The following CLASP1 variants were observed in gnomAD, a reference collection of about 807,000 sequenced individuals.
The protein encoded by CLASP1 is cytoplasmic linker associated protein 1.
Under a neutral mutation model 192.3 loss-of-function variants are expected in CLASP1, and 38 were observed. That is an observed-to-expected ratio of 0.20 (90% CI 0.15 to 0.26). CLASP1 has a LOEUF of 0.26. Among genes scored for constraint, CLASP1 ranks in the 10% least tolerant of loss-of-function variants. CLASP1 has a pLI of 1.00. For missense variants in CLASP1, 1,433 were observed against 1,932.5 expected, an observed-to-expected ratio of 0.74 and a Z score of 4.85; for synonymous variants, 691 against 712.8, an observed-to-expected ratio of 0.97 and a Z score of 0.49.
chr2:121,601,638 G>A (rs896210540), intron 2 of CLASP1, among the ~76,000 whole-genome samples: 18 of 152,082 alleles, frequency 1.2e-4, no homozygotes, highest in Non-Finnish European at 2.1e-4. Context: ...CAACATAGTA[G>A]TGGAAGTCCT....
At chr2:121,408,622 A>G (rs1050839858) in intron 24 of CLASP1, among the ~76,000 whole-genome samples, 19 of 152,234 alleles carry the variant, frequency 1.2e-4, no homozygotes, top group African/African-American at 4.6e-4. Flanking sequence ...AATTATTGAT[A>G]GCATCCCCCT....
Position 121,535,795 on chromosome 2 carries a change from A to T in CLASP1, c.196-5470T>A, listed in dbSNP as rs1025350703. On this transcript the variant is annotated intron_variant, in intron 2 of 39. Transcript: ENST00000263710. ...ACCTGCCCCCTCCCCAGTAGCTGGG[A>T]CTACAGGCGCGTGCCAACACACCAC... Among the ~76,000 whole-genome samples, 5 of 151,672 alleles carry T rather than the reference A, an allele frequency of 3.3e-5. No individual in the cohort carries two copies. The East Asian group carries it at 9.9e-4, about 30-fold the overall frequency.
At chr2:121,510,315 G>A (rs1004926692) in intron 7 of CLASP1, among the ~76,000 whole-genome samples, 2 of 152,190 alleles carry the variant, frequency 1.3e-5, no homozygotes, top group Non-Finnish European at 2.9e-5. Context: ...CTGACCAGAA[G>A]AGCAAAGGCT....
chr2:121,419,218 A>G (rs2079087511), intron 22 of CLASP1, among the ~76,000 whole-genome samples: 1 of 152,194 alleles, frequency 6.6e-6, no homozygotes. Flanking sequence ...ACCTAATGAT[A>G]AGGAAGAGGG....
chr2:121,415,680 TCACAGTGATTATAC>T (rs2078455048), intron 23 of CLASP1, among the ~76,000 whole-genome samples: 1 of 152,182 alleles, frequency 6.6e-6, no homozygotes, highest in African/African-American at 2.4e-5. Context: ...TCTGAAAAAT[TCACAGTGATTATAC>T]CACAGAAAAT....
At chr2:121,340,776 G>T in exon 40 of CLASP1, 2 of 998,708 alleles carry the variant, frequency 2.0e-6, no homozygotes, top group Non-Finnish European at 3.1e-6. Context: ...TGTACTGACT[G>T]GGCAGCCGAT....
chr2:121,399,311 A>G (rs2075796931), intron 28 of CLASP1, among the ~76,000 whole-genome samples: 1 of 152,240 alleles, frequency 6.6e-6, no homozygotes, highest in Non-Finnish European at 1.5e-5. Flanking sequence ...ACTTGATCCA[A>G]TAATACCCTG....
intron 2 of CLASP1, among the ~76,000 whole-genome samples, chr2:121,594,775 TAC>T (rs2062926690): frequency 6.6e-6 from 1 of 152,164 alleles, no homozygotes; most frequent in African/African-American, 2.4e-5. Context: ...AACCACTGTA[TAC>T]ACAGGTATTG....
chr2:121,409,054 G>T, intron 24 of CLASP1: 1 of 1,565,146 alleles, frequency 6.4e-7, no homozygotes, highest in Non-Finnish European at 8.7e-7. Flanking sequence ...ACAGCTGTAG[G>T]CAGGAAAATA....
intron 6 of CLASP1, among the ~76,000 whole-genome samples, chr2:121,524,014 G>A (rs1189448108): frequency 6.6e-6 from 1 of 152,228 alleles, no homozygotes; most frequent in Non-Finnish European, 1.5e-5. Context: ...GTCCCTTGTT[G>A]TAGTTCTGGC....
intron 1 of CLASP1, among the ~76,000 whole-genome samples, chr2:121,648,730 G>A (rs2073649149): frequency 6.6e-6 from 1 of 152,212 alleles, no homozygotes; most frequent in Admixed American, 6.5e-5. Context: ...AGTCTGCACA[G>A]GCTTAACTCA....
intron 14 of CLASP1, 21 bp downstream of exon 14, chr2:121,457,666 A>C: frequency 6.3e-7 from 1 of 1,584,828 alleles, no homozygotes; most frequent in Non-Finnish European, 8.6e-7. Flanking sequence ...AAAAACAATG[A>C]GAAAATCCTT....
intron 32 of CLASP1, among the ~76,000 whole-genome samples, chr2:121,386,573 T>C (rs920323417): frequency 2.6e-5 from 4 of 152,240 alleles, no homozygotes; most frequent in Non-Finnish European, 5.9e-5. Flanking sequence ...TCAGCTTCTA[T>C]AGGGCCAATA....
At chr2:121,473,676 A>G (rs1208112766) in intron 8 of CLASP1, among the ~76,000 whole-genome samples, 1 of 152,214 alleles carries the variant, frequency 6.6e-6, no homozygotes, top group Admixed American at 6.5e-5. Context: ...ACGGAGGCAC[A>G]TCATAATCAA....
intron 1 of CLASP1, among the ~76,000 whole-genome samples, chr2:121,618,764 A>AGT (rs67827862): frequency 1.1e-5 from 1 of 94,244 alleles, no homozygotes; most frequent in African/African-American, 8.9e-5. Flanking sequence ...AGAGTTCTCT[A>AGT]GCTCTGTAAT....
intron 8 of CLASP1, among the ~76,000 whole-genome samples, chr2:121,473,002 A>T (rs1181145145): frequency 6.6e-6 from 1 of 152,238 alleles, no homozygotes; most frequent in Admixed American, 6.5e-5. Flanking sequence ...AAATATAACA[A>T]GACACAGACA....
chr2:121,588,816 C>T (rs1457481231), intron 2 of CLASP1, among the ~76,000 whole-genome samples: 3 of 152,220 alleles, frequency 2.0e-5, no homozygotes, highest in Admixed American at 2.0e-4. Flanking sequence ...GGGCCATTTG[C>T]CCCCAGTCGA....
At chr2:121,427,372 AAC>A (rs1166977569) in intron 21 of CLASP1, 30 bp downstream of exon 21, 4 of 1,610,290 alleles carry the variant, frequency 2.5e-6, no homozygotes, top group South Asian at 2.2e-5. Context: ...CAACAACAAC[AAC>A]AAAAAAAGGC....
intron 33 of CLASP1, among the ~76,000 whole-genome samples, chr2:121,378,265 T>C (rs1470422050): frequency 3.9e-5 from 6 of 152,194 alleles, no homozygotes; most frequent in African/African-American, 1.4e-4. Flanking sequence ...GCTATTAATA[T>C]CAGACTCTTC....
Sources: allele counts gnomAD v4.1 joint callset (sites outside exome capture counted in the v4.1 genomes callset), GRCh38; gene constraint gnomAD v4.1.1; transcripts MANE v1.5; gene names NCBI Gene and HGNC (gene_info 2026-07-23, HGNC 2026-07-21).